SETD3: variants seen among roughly 807,000 people sequenced by gnomAD.
The protein encoded by SETD3 is SET domain containing 3, actin N3(tau)-histidine methyltransferase.
SETD3 carries 19 observed loss-of-function variants against 63.0 expected under a neutral mutation model. The ratio of observed to expected loss-of-function variants is 0.30; its 90% CI spans 0.21 to 0.44. The LOEUF is 0.44. Ranked by LOEUF, SETD3 falls within the 20% of genes least tolerant of loss-of-function variation. The pLI, the probability that SETD3 is intolerant of heterozygous loss-of-function variation, is 1.00. For synonymous variants in SETD3, 286 were observed against 264.1 expected (o/e 1.08, Z -0.80); for missense variants, 587 against 728.5 (o/e 0.81, Z 2.24).
At chr14:99,426,812 C>A (rs1312189810) in intron 6 of SETD3, among the ~76,000 whole-genome samples, 1 of 152,164 alleles carries the variant, frequency 6.6e-6, no homozygotes, top group South Asian at 2.1e-4. Context: ...CTCAGAAAAG[C>A]AAGTTCCCAG....
rs113860360 is a variant in SETD3, at chr14:99,440,982, G to T, written c.675+17297C>A. ...ACAAAGAAAGGACAGGAACGCTGAT[G>T]CTCAGGGCCAATGAGGCCTGTGAGC... is the stretch of plus-strand genomic sequence containing the variant. On this transcript the variant is annotated intron_variant, in intron 6 of 12. Coordinates refer to ENST00000331768, the MANE Select transcript of SETD3 (RefSeq NM_032233.3). 8.4e-3 allele frequency among the ~76,000 whole-genome samples: 1,278 copies of T among 152,318 alleles called. 15 individuals carry two copies. Among genetic ancestry groups the T allele is most frequent in the African/African-American group, 0.029 (1,198 of 41,572 alleles).
At chr14:99,417,642 G>T (rs1480212053) in intron 6 of SETD3, among the ~76,000 whole-genome samples, 1 of 152,150 alleles carries the variant, frequency 6.6e-6, no homozygotes, top group East Asian at 1.9e-4. Flanking sequence ...CCTTTGTGGA[G>T]AACCAAAATA....
At chr14:99,424,523 C>A (rs1418785766) in intron 6 of SETD3, among the ~76,000 whole-genome samples, 1 of 152,164 alleles carries the variant, frequency 6.6e-6, no homozygotes, top group East Asian at 1.9e-4. Flanking sequence ...GACAGGACAT[C>A]ATCTCAAAGG....
chr14:99,474,228 T>C (rs1232251416), intron 1 of SETD3, among the ~76,000 whole-genome samples: 1 of 151,994 alleles, frequency 6.6e-6, no homozygotes, highest in African/African-American at 2.4e-5. Flanking sequence ...AGGAGGCTGA[T>C]GTAGGAGAAA....
chr14:99,450,619 C>T (rs1894404366), intron 6 of SETD3, among the ~76,000 whole-genome samples: 1 of 152,154 alleles, frequency 6.6e-6, no homozygotes, highest in Admixed American at 6.5e-5. Context: ...AAGCATAAGG[C>T]AGGAAAAGGG....
chr14:99,401,345 T>C (rs1359952446), intron 11 of SETD3, among the ~76,000 whole-genome samples: 1 of 152,218 alleles, frequency 6.6e-6, no homozygotes, highest in Admixed American at 6.5e-5. Flanking sequence ...GCCGATCCTA[T>C]TCATGCTGAA....
Position 99,413,862 on chromosome 14 carries a change from C to A in SETD3, c.734+14G>T. 6.2e-7 allele frequency: 1 copy of A among 1,613,850 alleles called. No individual in the cohort carries two copies. Among genetic ancestry groups the A allele is most frequent in the Non-Finnish European group, 8.5e-7 (1 of 1,179,730 alleles). The stretch of plus-strand genomic sequence containing the variant: ...CACCCTCAATACACAGACACACTCA[C>A]AGCCCACACCAACCTGTAGTCCTCG... On this transcript the variant is annotated intron_variant, in intron 7 of 12. Coordinates refer to ENST00000331768, the MANE Select transcript of SETD3 (RefSeq NM_032233.3).
At chr14:99,480,085 G>A (rs1335004917) in intron 1 of SETD3, among the ~76,000 whole-genome samples, 2 of 152,236 alleles carry the variant, frequency 1.3e-5, no homozygotes, top group African/African-American at 4.8e-5. Context: ...AGCACGGCCA[G>A]GGGCGCGTGG....
intron 6 of SETD3, among the ~76,000 whole-genome samples, chr14:99,447,393 C>T (rs150240563): frequency 2.6e-5 from 4 of 152,296 alleles, no homozygotes; most frequent in East Asian, 1.9e-4. Context: ...ATTTACAAAA[C>T]AAGAACATAG....
intron 6 of SETD3, among the ~76,000 whole-genome samples, chr14:99,455,021 G>T (rs1408813082): frequency 6.6e-6 from 1 of 152,362 alleles, no homozygotes; most frequent in South Asian, 2.1e-4. Flanking sequence ...CAAACTCAGA[G>T]AAGTAAAGCA....
At position 99,434,715 on chromosome 14, in the gene SETD3, C is replaced by A. The variant is rs192711908; in HGVS notation, c.676-20781G>T. On this transcript the variant is annotated intron_variant, in intron 6 of 12. Transcript: ENST00000331768. ...ATACAAAATTAGCTGGGCGTGGTGG[C>A]GCAAGCCTGTAATCCCAGCTACTCG... is the stretch of plus-strand genomic sequence containing the variant. 8.3e-3 allele frequency among the ~76,000 whole-genome samples: 1,262 copies of A among 151,786 alleles called. 15 individuals are homozygous for A. Among genetic ancestry groups the A allele is most frequent in the African/African-American group, 0.029 (1,182 of 41,352 alleles).
chr14:99,463,049 TAAGGAA>T (rs1762057946), intron 3 of SETD3, among the ~76,000 whole-genome samples: 1 of 152,208 alleles, frequency 6.6e-6, no homozygotes, highest in Non-Finnish European at 1.5e-5. Flanking sequence ...AAACACAGCT[TAAGGAA>T]TATGACCACA....
At chr14:99,420,887 C>T (rs1892551911) in intron 6 of SETD3, among the ~76,000 whole-genome samples, 1 of 133,664 alleles carries the variant, frequency 7.5e-6, no homozygotes, top group South Asian at 2.4e-4. Flanking sequence ...CCAGGTCATC[C>T]AAGCATGCTG....
At chr14:99,468,437 G>T (rs1330827381) in intron 1 of SETD3, among the ~76,000 whole-genome samples, 7 of 152,116 alleles carry the variant, frequency 4.6e-5, no homozygotes, top group Admixed American at 6.5e-5. Flanking sequence ...GGCTAACATT[G>T]CTATCTTCTC....
At chr14:99,452,249 G>T (rs1160598073) in intron 6 of SETD3, among the ~76,000 whole-genome samples, 2 of 152,210 alleles carry the variant, frequency 1.3e-5, no homozygotes, top group African/African-American at 2.4e-5. Flanking sequence ...TGGGATTACA[G>T]TCACGCTCCA....
At chr14:99,402,228 T>C (rs1425801859) in intron 11 of SETD3, among the ~76,000 whole-genome samples, 3 of 152,188 alleles carry the variant, frequency 2.0e-5, no homozygotes, top group African/African-American at 7.2e-5. Flanking sequence ...TTGAATGCCA[T>C]TTCCTCCAGA....
chr14:99,431,551 G>A (rs1195543941), intron 6 of SETD3, among the ~76,000 whole-genome samples: 2 of 152,032 alleles, frequency 1.3e-5, no homozygotes, highest in Non-Finnish European at 2.9e-5. Flanking sequence ...GAGTGCAGTG[G>A]CGCGATCTCA....
intron 6 of SETD3, among the ~76,000 whole-genome samples, chr14:99,442,368 G>A (rs1328829469): frequency 2.0e-5 from 3 of 152,210 alleles, no homozygotes; most frequent in Non-Finnish European, 2.9e-5. Flanking sequence ...CATTCTAGAT[G>A]AGAATGAAGG....
intron 1 of SETD3, among the ~76,000 whole-genome samples, chr14:99,471,014 C>A (rs1044022055): frequency 1.3e-5 from 2 of 152,148 alleles, no homozygotes; most frequent in African/African-American, 4.8e-5. Flanking sequence ...GGGTCCTCCA[C>A]CTAAAATTTA....
Sources: allele counts gnomAD v4.1 joint callset (sites outside exome capture counted in the v4.1 genomes callset), GRCh38; gene constraint gnomAD v4.1.1; transcripts MANE v1.5; gene names NCBI Gene and HGNC (gene_info 2026-07-23, HGNC 2026-07-21).